Variants in MAP3K20 observed in about 807,000 individuals in gnomAD.
MAP3K20 encodes the protein mitogen-activated protein kinase kinase kinase 20.
A neutral mutation model predicts 85.7 loss-of-function variants in MAP3K20; 40 were observed. The ratio of observed to expected loss-of-function variants is 0.47; its 90% CI spans 0.36 to 0.61. MAP3K20 has a LOEUF of 0.61. MAP3K20 is among the 20% of genes least tolerant of loss of function. The pLI, the probability that MAP3K20 is intolerant of heterozygous loss-of-function variation, is 0.00. For synonymous variants in MAP3K20, 325 were observed against 327.7 expected (o/e 0.99, Z 0.09); for missense variants, 817 against 961.7 (o/e 0.85, Z 1.99).
intron 9 of MAP3K20, among the ~76,000 whole-genome samples, chr2:173,204,658 T>C (rs1354285398): frequency 1.3e-5 from 2 of 152,230 alleles, no homozygotes; most frequent in Non-Finnish European, 2.9e-5. Context: ...GTCTTGGATT[T>C]GCTTCAAAAC....
chr2:173,219,491 C>A (rs916953297), intron 11 of MAP3K20, among the ~76,000 whole-genome samples: 2 of 152,154 alleles, frequency 1.3e-5, no homozygotes, highest in African/African-American at 4.8e-5. Context: ...AGTCAAACCT[C>A]ATGTGAGGAA....
At position 173,228,614 on chromosome 2, in the gene MAP3K20, C is replaced by G. The variant is rs554397676; in HGVS notation, c.988-1075C>G. Among the ~76,000 whole-genome samples, 3 of 152,130 alleles carry G rather than the reference C, an allele frequency of 2.0e-5. No individual in the cohort carries two copies. In the South Asian group the frequency reaches 6.2e-4, roughly 32 times the overall value. ...GCACTATGTTAGGCATTAAGTAAACCGAGATTCAGGTGACCTTGGAATCCC... is the reference window on the plus strand; with the variant it reads ...GCACTATGTTAGGCATTAAGTAAACGGAGATTCAGGTGACCTTGGAATCCC... On this transcript the variant is annotated intron_variant, in intron 11 of 19. Coordinates refer to ENST00000375213, the MANE Select transcript of MAP3K20 (RefSeq NM_016653.3).
intron 4 of MAP3K20, 88 bp downstream of exon 4, chr2:173,183,043 T>G: frequency 9.5e-7 from 1 of 1,052,208 alleles, no homozygotes; most frequent in Non-Finnish European, 1.4e-6. Context: ...AATGTTTTAT[T>G]CTGTCTTTAG....
intron 5 of MAP3K20, among the ~76,000 whole-genome samples, chr2:173,189,373 A>G (rs981548265): frequency 6.6e-6 from 1 of 152,168 alleles, no homozygotes; most frequent in African/African-American, 2.4e-5. Context: ...GTAAGTATTG[A>G]TCATCTATCA....
chr2:173,098,449 C>G (rs1687528003), intron 2 of MAP3K20, among the ~76,000 whole-genome samples: 1 of 152,054 alleles, frequency 6.6e-6, no homozygotes, highest in Non-Finnish European at 1.5e-5. Context: ...TGTTTCATGC[C>G]CAGCATTATT....
At chr2:173,224,280 C>T (rs1047490442) in intron 11 of MAP3K20, 2 of 985,236 alleles carry the variant, frequency 2.0e-6, no homozygotes, top group African/African-American at 3.5e-5. Context: ...TTCGGGATCC[C>T]TGCACTTTAT....
At chr2:173,091,533 T>A (rs1400754247) in intron 2 of MAP3K20, among the ~76,000 whole-genome samples, 2 of 152,176 alleles carry the variant, frequency 1.3e-5, no homozygotes, top group African/African-American at 4.8e-5. Context: ...GAGGGGTCGG[T>A]AAAGAGTAAT....
At chr2:173,227,288 T>G (rs1296935065) in intron 11 of MAP3K20, 1 of 368,530 alleles carries the variant, frequency 2.7e-6, no homozygotes, top group Admixed American at 6.4e-5. Flanking sequence ...AATAATAAAT[T>G]TGTAAAGTGA....
At chr2:173,079,597 A>C (rs935698955) in intron 1 of MAP3K20, among the ~76,000 whole-genome samples, 1 of 152,204 alleles carries the variant, frequency 6.6e-6, no homozygotes, top group Non-Finnish European at 1.5e-5. Context: ...TTGTACAGCT[A>C]TACAAAAATT....
intron 16 of MAP3K20, among the ~76,000 whole-genome samples, chr2:173,255,409 C>G (rs961864696): frequency 1.3e-5 from 2 of 152,214 alleles, no homozygotes; most frequent in Non-Finnish European, 2.9e-5. Context: ...ATGTCAACCA[C>G]GTATTGGTCA....
At chr2:173,109,943 T>A (rs1039925445) in intron 2 of MAP3K20, among the ~76,000 whole-genome samples, 12 of 151,758 alleles carry the variant, frequency 7.9e-5, no homozygotes, top group Non-Finnish European at 1.8e-4. Flanking sequence ...TGGGTTCCCA[T>A]TTGATGCAGT....
At chr2:173,113,335 A>G (rs1326201530) in intron 2 of MAP3K20, among the ~76,000 whole-genome samples, 1 of 151,872 alleles carries the variant, frequency 6.6e-6, no homozygotes, top group African/African-American at 2.4e-5. Context: ...TTATCTTTTC[A>G]AAGGACCAGC....
At chr2:173,152,653 C>T (rs1415128960) in intron 2 of MAP3K20, among the ~76,000 whole-genome samples, 2 of 151,930 alleles carry the variant, frequency 1.3e-5, no homozygotes, top group Non-Finnish European at 2.9e-5. Context: ...AATCTTCAAG[C>T]AAAGAGAAAA....
chr2:173,079,408 T>C (rs1686953050), intron 1 of MAP3K20, among the ~76,000 whole-genome samples: 1 of 152,208 alleles, frequency 6.6e-6, no homozygotes, highest in Non-Finnish European at 1.5e-5. Context: ...GACATCACTG[T>C]ACACTACTGT....
At chr2:173,099,100 C>T (rs903643106) in intron 2 of MAP3K20, among the ~76,000 whole-genome samples, 3 of 152,128 alleles carry the variant, frequency 2.0e-5, no homozygotes, top group Non-Finnish European at 4.4e-5. Flanking sequence ...GGTTTTTGCT[C>T]TTAGAGGCCT....
chr2:173,208,279 G>T (rs1458067332), intron 9 of MAP3K20, among the ~76,000 whole-genome samples: 2 of 151,778 alleles, frequency 1.3e-5, no homozygotes, highest in Non-Finnish European at 2.9e-5. Context: ...AACACCTTTA[G>T]TCCCCGCTAC....
chr2:173,233,215 A>T (rs530082699), intron 14 of MAP3K20, among the ~76,000 whole-genome samples: 1 of 152,342 alleles, frequency 6.6e-6, no homozygotes, highest in African/African-American at 2.4e-5. Context: ...GGAATCCCTA[A>T]GGACCCCAGA....
chr2:173,178,489 C>A (rs929268148), intron 3 of MAP3K20, among the ~76,000 whole-genome samples: 10 of 151,916 alleles, frequency 6.6e-5, no homozygotes, highest in Admixed American at 6.6e-4. Flanking sequence ...ACTAAAAATA[C>A]AAAAATTAGC....
At chr2:173,159,990 A>G (rs1341067731) in intron 2 of MAP3K20, 1 of 152,122 alleles carries the variant, frequency 6.6e-6, no homozygotes, top group Non-Finnish European at 1.5e-5. Flanking sequence ...ACTTCCCAGC[A>G]CTGGTGACTC....
Sources: gnomAD v4.1 joint callset for allele counts (sites outside exome capture counted in the v4.1 genomes callset) on GRCh38, gnomAD v4.1.1 for gene constraint, MANE v1.5 for transcripts, NCBI Gene and HGNC (gene_info 2026-07-23, HGNC 2026-07-21) for gene names.